The following ATAD2 variants were observed in gnomAD, a reference collection of about 807,000 sequenced individuals.
ATAD2 encodes ATPase family AAA domain containing 2.
In ATAD2, 62 loss-of-function variants were observed where a neutral mutation model predicts 168.9. That is an observed-to-expected ratio of 0.37 (90% confidence interval 0.30 to 0.45). The LOEUF (loss-of-function observed/expected upper bound fraction) is 0.45. Among genes scored for constraint, ATAD2 ranks in the 20% least tolerant of loss-of-function variants. ATAD2 has a pLI of 1.00. For missense variants in ATAD2, 1,419 were observed against 1,667.8 expected (o/e 0.85, Z 2.60); for synonymous variants, 613 against 571.6 (o/e 1.07, Z -1.03).
intron 18 of ATAD2, among the ~76,000 whole-genome samples, chr8:123,345,283 A>T (rs1397395240): frequency 6.6e-6 from 1 of 152,202 alleles, no homozygotes; most frequent in Non-Finnish European, 1.5e-5. Context: ...CAACTAGAAA[A>T]CAGCTGGAGA....
At chr8:123,370,127 A>C in intron 6 of ATAD2, 103 bp from the exon 7 acceptor site, 2 of 983,642 alleles carry the variant, frequency 2.0e-6, no homozygotes, top group Non-Finnish European at 3.0e-6. Flanking sequence ...TTTAAAACTT[A>C]TCTACTCCTA....
intron 1 of ATAD2, among the ~76,000 whole-genome samples, chr8:123,384,543 G>C (rs1829591263): frequency 6.6e-6 from 1 of 152,174 alleles, no homozygotes; most frequent in Admixed American, 6.5e-5. Context: ...TCAGAATGGA[G>C]GGGCTCCCTT....
intron 25 of ATAD2, 88 bp from the exon 26 acceptor site, chr8:123,326,114 G>T: frequency 5.1e-6 from 7 of 1,371,986 alleles, no homozygotes; most frequent in Non-Finnish European, 7.0e-6. Context: ...ATTAAACAGG[G>T]CATGTTTACT....
intron 2 of ATAD2, 72 bp from the exon 3 acceptor site, chr8:123,372,758 G>T: frequency 7.9e-7 from 1 of 1,265,334 alleles, no homozygotes; most frequent in Non-Finnish European, 1.1e-6. Context: ...AGATGGGATT[G>T]CACTCCATCG....
chr8:123,408,721 T>C (rs1813105436), intron 1 of ATAD2, among the ~76,000 whole-genome samples: 1 of 152,236 alleles, frequency 6.6e-6, no homozygotes. Context: ...TTCACCATGT[T>C]GGCCAGGCTG....
At position 123,354,394 on chromosome 8, in the gene ATAD2, T is replaced by G. The variant is rs532866102; in HGVS notation, c.1646+1995A>C. On this transcript the variant is annotated intron_variant, in intron 13 of 27. Transcript: ENST00000287394. Reference sequence around the variant, plus strand: ...TTTTTGGTTAAAATAACTTGAATACTAAATTTCTTTTAAAAATGTAGCTAT... The same window carrying G: ...TTTTTGGTTAAAATAACTTGAATACGAAATTTCTTTTAAAAATGTAGCTAT... 2.7e-3 allele frequency among the ~76,000 whole-genome samples: 418 copies of G among 152,266 alleles called. 3 individuals are homozygous for G. The highest frequency in any genetic ancestry group is 3.7e-3 in the Non-Finnish European group (253 of 68,016).
At position 123,402,213 on chromosome 8, in the gene ATAD2, C is replaced by A; in HGVS notation, c.-2281-1038G>T. 2 of 612,458 alleles carry A rather than the reference C, an allele frequency of 3.3e-6. No individual in the cohort carries two copies. Among genetic ancestry groups the A allele is most frequent in the South Asian group, 3.6e-5 (2 of 55,002 alleles). 37.9% of individuals were successfully genotyped at this position (612,458 alleles called of 1,614,324 possible). On this transcript the variant is annotated intron_variant, in intron 1 of 28. Transcript: ENST00000521903. This position sits in a 1 kb window ranked among gnomAD's most constrained non-coding sequence, Gnocchi z 4.8. The stretch of plus-strand genomic sequence containing the variant: ...GGTCCACAGATTTGCACTACGGGTT[C>A]CCCAGCTCCTTTCCAGGGAGAGAGG...
At chr8:123,352,767 C>CA (rs1229939637) in intron 13 of ATAD2, 1 of 141,936 alleles carries the variant, frequency 7.0e-6, no homozygotes, top group African/African-American at 2.6e-5. Flanking sequence ...ACAACAACAA[C>CA]AAAAAACTGA....
intron 19 of ATAD2, among the ~76,000 whole-genome samples, chr8:123,343,256 G>T (rs1015664439): frequency 1.3e-5 from 2 of 151,966 alleles, no homozygotes; most frequent in Non-Finnish European, 2.9e-5. Flanking sequence ...AATTACAGGC[G>T]TGAACCACCG....
At chr8:123,355,083 A>G (rs1828598939) in intron 13 of ATAD2, among the ~76,000 whole-genome samples, 1 of 151,748 alleles carries the variant, frequency 6.6e-6, no homozygotes, top group Non-Finnish European at 1.5e-5. Context: ...CGTCACATAT[A>G]AAAAGTTTAT....
At chr8:123,378,452 A>C (rs1019927306) in intron 2 of ATAD2, among the ~76,000 whole-genome samples, 2 of 152,182 alleles carry the variant, frequency 1.3e-5, no homozygotes, top group African/African-American at 4.8e-5. Context: ...CTGTAATCCC[A>C]GCACTGTGGG....
intron 8 of ATAD2, among the ~76,000 whole-genome samples, chr8:123,366,099 T>C (rs1194832916): frequency 3.3e-5 from 5 of 152,076 alleles, no homozygotes; most frequent in Admixed American, 3.3e-4. Context: ...CATCAAAAAG[T>C]GGGCTATGGA....
In ATAD2 at chr8:123,359,564, A is replaced by C. The variant is rs1299502003; in HGVS notation, c.1266+13T>G. The C allele has an allele frequency of 6.3e-7, 1 of 1,586,436 alleles. No homozygotes were observed. Among genetic ancestry groups the C allele is most frequent in the Non-Finnish European group, 8.6e-7 (1 of 1,158,382 alleles). ...TTATAGTTCAAGCATATGTTTCAAA[A>C]CAGAGTACTCACTGAAGAATCTAGT... On this transcript the variant is annotated intron_variant, in intron 10 of 27. Transcript: ENST00000287394.
At chr8:123,391,219 C>T (rs1649388274) in intron 1 of ATAD2, among the ~76,000 whole-genome samples, 1 of 151,208 alleles carries the variant, frequency 6.6e-6, no homozygotes, top group African/African-American at 2.4e-5. Flanking sequence ...AAAGAAACTA[C>T]AGAAAAGATA....
intron 6 of ATAD2, among the ~76,000 whole-genome samples, chr8:123,370,623 C>G (rs1829122840): frequency 6.6e-6 from 1 of 152,004 alleles, no homozygotes; most frequent in Non-Finnish European, 1.5e-5. Flanking sequence ...CTTTAATCAC[C>G]TTTAAACTAA....
intron 11 of ATAD2, among the ~76,000 whole-genome samples, chr8:123,358,523 T>C (rs1186974221): frequency 6.6e-6 from 1 of 151,994 alleles, no homozygotes; most frequent in Admixed American, 6.6e-5. Flanking sequence ...TTTTTGGGTA[T>C]TTTTAGTAAA....
intron 1 of ATAD2, among the ~76,000 whole-genome samples, chr8:123,383,144 A>G (rs1829539191): frequency 6.6e-6 from 1 of 152,156 alleles, no homozygotes. Flanking sequence ...GAGTTGAACA[A>G]TGAGAACACA....
chr8:123,389,450 T>C (rs1269073657), intron 1 of ATAD2, among the ~76,000 whole-genome samples: 1 of 150,244 alleles, frequency 6.7e-6, no homozygotes. Context: ...CCATCCTGGC[T>C]ATCACGGTGA....
chr8:123,367,303 G>C lies in ATAD2; in HGVS notation c.1049+1755C>G, dbSNP rs534938885. Among the ~76,000 whole-genome samples the C allele has an allele frequency of 3.9e-5, 6 of 152,270 alleles. No individual in the cohort carries two copies. The South Asian group carries it at 1.2e-3, about 32-fold the overall frequency. ...ATGGTGGCAGACGCCTGTGATCCCA[G>C]CTACTCGGGGGGCTGAGGCAGAAGA... On this transcript the variant is annotated intron_variant, in intron 8 of 27. Coordinates refer to ENST00000287394, the MANE Select transcript of ATAD2 (RefSeq NM_014109.4).
Sources: allele counts gnomAD v4.1 joint callset (sites outside exome capture counted in the v4.1 genomes callset), GRCh38; gene constraint gnomAD v4.1.1; non-coding constraint Gnocchi (gnomAD v3.1); transcripts MANE v1.5; gene names NCBI Gene and HGNC (gene_info 2026-07-23, HGNC 2026-07-21).